The following MYO16 variants were observed in gnomAD, a reference collection of about 807,000 sequenced individuals.
The protein encoded by MYO16 is myosin XVI, also known as unconventional myosin-XVI.
A neutral mutation model predicts 205.3 loss-of-function variants in MYO16; 94 were observed. That is an observed-to-expected ratio of 0.46 (90% CI 0.39 to 0.54). The LOEUF (loss-of-function observed/expected upper bound fraction) is 0.54, where lower values mean the gene tolerates loss of function less well. Ranked by LOEUF, MYO16 falls within the 20% of genes least tolerant of loss-of-function variation. The pLI is 0.00. For missense variants in MYO16, 2,315 were observed against 2,387.5 expected (o/e 0.97, Z 0.63); for synonymous variants, 988 against 954.0 (o/e 1.04, Z -0.66).
chr13:108,554,519 A>G, the MYO16 span, among the ~76,000 whole-genome samples: 1 of 152,144 alleles, frequency 6.6e-6, no homozygotes, highest in Non-Finnish European at 1.5e-5. Flanking sequence ...GGTTCCATGA[A>G]TTTCTCAAAT....
chr13:108,510,461 G>GTTTTTTGTTTTTT, the MYO16 span, among the ~76,000 whole-genome samples: 2 of 45,906 alleles, frequency 4.4e-5, no homozygotes, highest in Non-Finnish European at 7.4e-5. Flanking sequence ...ATTGATAGCT[G>GTTTTTTGTTTTTT]TTTTTTTTTT....
chr13:108,616,094 T>C (rs1026437025), intron 1 of MYO16, among the ~76,000 whole-genome samples: 2 of 152,188 alleles, frequency 1.3e-5, no homozygotes, highest in African/African-American at 2.4e-5. Context: ...CCCTCCTTCC[T>C]CCAGGAAACT....
chr13:109,084,371 C>T (rs1437159347), intron 27 of MYO16, among the ~76,000 whole-genome samples: 1 of 152,062 alleles, frequency 6.6e-6, no homozygotes, highest in African/African-American at 2.4e-5. Flanking sequence ...TTGATGATGA[C>T]TTTGACCTCA....
At chr13:108,638,044 G>A (rs187472877) in intron 1 of MYO16, among the ~76,000 whole-genome samples, 3 of 152,172 alleles carry the variant, frequency 2.0e-5, no homozygotes, top group Admixed American at 6.5e-5. Flanking sequence ...GGTGTTTAAC[G>A]AACTACTGAG....
intron 6 of MYO16, among the ~76,000 whole-genome samples, chr13:108,800,000 G>A (rs537073328): frequency 3.5e-4 from 54 of 152,228 alleles, no homozygotes; most frequent in Non-Finnish European, 6.9e-4. Flanking sequence ...ATTTGGGGGT[G>A]TTTTGGATCC....
At chr13:108,525,377 C>A in the MYO16 span, among the ~76,000 whole-genome samples, 1 of 152,106 alleles carries the variant, frequency 6.6e-6, no homozygotes, top group Non-Finnish European at 1.5e-5. Context: ...TGACGGATAC[C>A]ATTCCCTAAG....
chr13:109,061,250 C>A (rs1333178815), intron 27 of MYO16, among the ~76,000 whole-genome samples: 1 of 152,126 alleles, frequency 6.6e-6, no homozygotes, highest in Non-Finnish European at 1.5e-5. Context: ...GCAGTTTCAC[C>A]TTCTTACATT....
At chr13:108,572,301 C>A in the MYO16 span, among the ~76,000 whole-genome samples, 1 of 152,204 alleles carries the variant, frequency 6.6e-6, no homozygotes, top group African/African-American at 2.4e-5. Flanking sequence ...TTACTAAGGC[C>A]TATTGTCTAT....
chr13:108,571,573 G>A, the MYO16 span, among the ~76,000 whole-genome samples: 3 of 151,974 alleles, frequency 2.0e-5, no homozygotes, highest in African/African-American at 4.8e-5. Context: ...GAGTGCAGTC[G>A]CTGCTACCTG....
At chr13:108,989,137 C>T (rs1312623674) in intron 20 of MYO16, among the ~76,000 whole-genome samples, 1 of 152,128 alleles carries the variant, frequency 6.6e-6, no homozygotes, top group African/African-American at 2.4e-5. Context: ...AAATCACCTC[C>T]AGGTCTACCA....
chr13:109,118,616 G>C (rs1362312056), intron 28 of MYO16, among the ~76,000 whole-genome samples: 2 of 152,076 alleles, frequency 1.3e-5, no homozygotes, highest in Admixed American at 6.6e-5. Flanking sequence ...TTGTCTTTGG[G>C]AGTTAGTCTC....
chr13:108,989,509 G>A (rs1224070992), intron 20 of MYO16, among the ~76,000 whole-genome samples: 3 of 152,046 alleles, frequency 2.0e-5, no homozygotes, highest in Non-Finnish European at 4.4e-5. Context: ...TTTATATATT[G>A]CTTTCTTAAT....
intron 4 of MYO16, among the ~76,000 whole-genome samples, chr13:108,739,154 A>T (rs1884812711): frequency 6.6e-6 from 1 of 152,104 alleles, no homozygotes; most frequent in South Asian, 2.1e-4. Context: ...TAATATTGTT[A>T]TGTGTGAATT....
At chr13:108,714,618 A>G (rs1236976815) in intron 3 of MYO16, among the ~76,000 whole-genome samples, 2 of 125,744 alleles carry the variant, frequency 1.6e-5, no homozygotes, top group Non-Finnish European at 3.5e-5. Flanking sequence ...GTGTGTATAT[A>G]TATAGAGAGA....
chr13:108,705,398 G>A (rs1049316020), intron 2 of MYO16, among the ~76,000 whole-genome samples: 11 of 152,134 alleles, frequency 7.2e-5, no homozygotes, highest in Non-Finnish European at 7.3e-5. Context: ...ATGTCATCTT[G>A]TCACACAGGC....
chr13:108,996,318 A>T (rs1157929378), intron 21 of MYO16, among the ~76,000 whole-genome samples: 1 of 152,190 alleles, frequency 6.6e-6, no homozygotes, highest in East Asian at 1.9e-4. Context: ...GCAGAGAAAA[A>T]TTGTGAAAGG....
intron 27 of MYO16, among the ~76,000 whole-genome samples, chr13:109,063,283 A>G (rs745773600): frequency 6.6e-6 from 1 of 152,184 alleles, no homozygotes; most frequent in Non-Finnish European, 1.5e-5. Flanking sequence ...TATGCTTGTC[A>G]ATATTTTTTT....
In MYO16 at chr13:109,140,865, C is replaced by G; in HGVS notation, c.4653C>G (p.Pro1551=). The G allele has an allele frequency of 6.3e-7, 1 of 1,597,018 alleles. No individual in the cohort carries two copies. The highest frequency in any genetic ancestry group is 2.3e-5 in the East Asian group (1 of 42,970). ...TCCTGGAGACCAACCTCAAGTACCC[C>G]GTGCAGCCGGAGGGGTCGAGCCCGC... ...LPVLETNLKY[P]VQPEGSSPLS... The change falls in exon 32 of 35, where the codon CCC becomes CCG. Residue 1551 remains proline (P), a synonymous_variant. Coordinates refer to ENST00000457511, the MANE Select transcript of MYO16 (RefSeq NM_001198950.3). This position sits in a 1 kb window ranked among gnomAD's most constrained non-coding sequence, Gnocchi z 8.0.
At chr13:108,550,270 G>C in the MYO16 span, among the ~76,000 whole-genome samples, 1 of 152,246 alleles carries the variant, frequency 6.6e-6, no homozygotes, top group Non-Finnish European at 1.5e-5. Flanking sequence ...TGGAAAGAAC[G>C]ACAACCTTTG....
Sources: allele counts gnomAD v4.1 joint callset (sites outside exome capture counted in the v4.1 genomes callset), GRCh38; gene constraint gnomAD v4.1.1; non-coding constraint Gnocchi (gnomAD v3.1); transcripts MANE v1.5; gene names NCBI Gene and HGNC (gene_info 2026-07-23, HGNC 2026-07-21).